Variants in UVRAG observed in about 807,000 individuals in gnomAD.
The protein encoded by UVRAG is UV radiation resistance-associated gene protein.
In UVRAG, 19 loss-of-function variants were observed where a neutral mutation model predicts 78.0. The observed-to-expected ratio is 0.24, with a 90% CI of 0.17 to 0.36. The LOEUF (loss-of-function observed/expected upper bound fraction) is 0.36, where lower values mean the gene tolerates loss of function less well. UVRAG is among the 10% of genes least tolerant of loss of function. The probability of loss-of-function intolerance (pLI) is 1.00; values close to 1 mark genes in which losing one functional copy is unlikely to be tolerated. For synonymous variants in UVRAG, 323 were observed against 324.6 expected (o/e 1.00, Z 0.05); for missense variants, 740 against 853.8 (o/e 0.87, Z 1.66).
chr11:75,824,456 G>A (rs1945466533), intron 1 of UVRAG, among the ~76,000 whole-genome samples: 2 of 151,028 alleles, frequency 1.3e-5, no homozygotes, highest in Admixed American at 6.6e-5. Context: ...TGTCTCTACA[G>A]GATCACAATT....
intron 14 of UVRAG, among the ~76,000 whole-genome samples, chr11:76,130,718 A>G (rs1952497956): frequency 6.6e-6 from 1 of 152,214 alleles, no homozygotes; most frequent in East Asian, 1.9e-4. Context: ...GGTCAGTGTT[A>G]GTAGTATCTT....
intron 12 of UVRAG, among the ~76,000 whole-genome samples, chr11:76,018,340 A>T (rs1247958342): frequency 6.6e-6 from 1 of 150,508 alleles, no homozygotes; most frequent in Non-Finnish European, 1.5e-5. Context: ...AAAAAGATAG[A>T]GCTTTATTGT....
At chr11:75,896,668 A>T (rs578240861) in intron 5 of UVRAG, among the ~76,000 whole-genome samples, 1 of 152,308 alleles carries the variant, frequency 6.6e-6, no homozygotes, top group South Asian at 2.1e-4. Context: ...GCTCTCAGTA[A>T]AACTTTGTTA....
chr11:75,886,292 C>G (rs573576265), intron 4 of UVRAG, among the ~76,000 whole-genome samples: 2 of 152,280 alleles, frequency 1.3e-5, no homozygotes, highest in African/African-American at 4.8e-5. Context: ...CATACTCTCC[C>G]ATCCCTTTCT....
chr11:76,051,156 G>T (rs1950858892), intron 12 of UVRAG, among the ~76,000 whole-genome samples: 1 of 152,144 alleles, frequency 6.6e-6, no homozygotes, highest in Admixed American at 6.5e-5. Flanking sequence ...ATTTCAAGTG[G>T]TGAATAGGTT....
At chr11:75,918,243 G>A (rs186491564) in intron 6 of UVRAG, among the ~76,000 whole-genome samples, 9 of 151,490 alleles carry the variant, frequency 5.9e-5, no homozygotes, top group Non-Finnish European at 1.2e-4. Context: ...GCCAGGCATG[G>A]TAGCGGGCGC....
chr11:75,908,322 C>A (rs1326106730), intron 5 of UVRAG, among the ~76,000 whole-genome samples: 1 of 152,160 alleles, frequency 6.6e-6, no homozygotes, highest in Non-Finnish European at 1.5e-5. Flanking sequence ...CATCATCTGT[C>A]TGTGGACACT....
chr11:75,877,594 T>A (rs1029948521), intron 3 of UVRAG, among the ~76,000 whole-genome samples: 4 of 132,476 alleles, frequency 3.0e-5, no homozygotes, highest in African/African-American at 1.1e-4. Context: ...ACGGGTCGGC[T>A]GGCCGGGCGG....
At chr11:75,985,304 A>G (rs528404231) in intron 8 of UVRAG, among the ~76,000 whole-genome samples, 56 of 151,904 alleles carry the variant, frequency 3.7e-4, no homozygotes, top group African/African-American at 1.3e-3. Context: ...TTCATATGTT[A>G]TAAATTTTAT....
At chr11:75,897,492 A>G (rs1026073438) in intron 5 of UVRAG, among the ~76,000 whole-genome samples, 4 of 152,156 alleles carry the variant, frequency 2.6e-5, no homozygotes, top group African/African-American at 7.2e-5. Context: ...TATGCTACAG[A>G]TGATAACTTA....
At chr11:75,936,828 G>A in intron 6 of UVRAG, among the ~76,000 whole-genome samples, 1 of 152,094 alleles carries the variant, frequency 6.6e-6, no homozygotes, top group Non-Finnish European at 1.5e-5. Context: ...AGGCTGGCGT[G>A]CAATGGCCTG....
chr11:75,916,979 A>C (rs1195499489), intron 6 of UVRAG, among the ~76,000 whole-genome samples: 3 of 152,232 alleles, frequency 2.0e-5, no homozygotes, highest in Non-Finnish European at 4.4e-5. Flanking sequence ...TGTTATCTAT[A>C]GGAGCAATTG....
At chr11:75,919,724 G>A (rs543649603) in intron 6 of UVRAG, among the ~76,000 whole-genome samples, 24 of 152,246 alleles carry the variant, frequency 1.6e-4, no homozygotes, top group Admixed American at 5.9e-4. Flanking sequence ...AGAATTATGA[G>A]TGCACTGTCT....
At chr11:76,079,346 A>G (rs1036806950) in intron 13 of UVRAG, among the ~76,000 whole-genome samples, 1 of 151,118 alleles carries the variant, frequency 6.6e-6, no homozygotes, top group African/African-American at 2.4e-5. Context: ...TTATCCGGAC[A>G]TAGTGGCTTG....
intron 12 of UVRAG, among the ~76,000 whole-genome samples, chr11:76,046,285 C>T (rs1259262919): frequency 6.6e-6 from 1 of 152,082 alleles, no homozygotes; most frequent in African/African-American, 2.4e-5. Flanking sequence ...AAACATTATT[C>T]ATGGAAAAGG....
At chr11:75,893,503 TACTC>T (rs1304734446) in intron 5 of UVRAG, among the ~76,000 whole-genome samples, 1 of 151,820 alleles carries the variant, frequency 6.6e-6, no homozygotes, top group African/African-American at 2.4e-5. Flanking sequence ...AAGGAAATAT[TACTC>T]ACAAATTAGG....
intron 1 of UVRAG, among the ~76,000 whole-genome samples, chr11:75,817,335 G>A (rs968302374): frequency 6.6e-5 from 10 of 152,184 alleles, no homozygotes; most frequent in African/African-American, 2.2e-4. Context: ...CCTATTCTCT[G>A]ATAACAGTTC....
chr11:75,834,949 A>G (rs1306592440), intron 1 of UVRAG, among the ~76,000 whole-genome samples: 1 of 152,162 alleles, frequency 6.6e-6, no homozygotes, highest in African/African-American at 2.4e-5. Flanking sequence ...AATTGCTGGG[A>G]TTATGTGAGC....
At chr11:76,090,505 C>T (rs1336063999) in intron 13 of UVRAG, among the ~76,000 whole-genome samples, 2 of 152,148 alleles carry the variant, frequency 1.3e-5, no homozygotes, top group Non-Finnish European at 2.9e-5. Flanking sequence ...GTCAGAATGG[C>T]TACCTGCAGG....
Sources: allele counts gnomAD v4.1 joint callset (sites outside exome capture counted in the v4.1 genomes callset), GRCh38; gene constraint gnomAD v4.1.1; transcripts MANE v1.5; gene names NCBI Gene and HGNC (gene_info 2026-07-23, HGNC 2026-07-21).